Variants in ZNF596 observed in about 807,000 individuals in gnomAD.
The protein encoded by ZNF596 is zinc finger protein 596.
ZNF596 carries 45 observed loss-of-function variants against 48.3 expected under a neutral mutation model. That is an observed-to-expected ratio of 0.93 (90% CI 0.73 to 1.19). The LOEUF is 1.19. Among genes scored for constraint, ZNF596 ranks in the 50% most tolerant of loss-of-function variants. The probability of loss-of-function intolerance (pLI) is 0.00; values close to 1 mark genes in which losing one functional copy is unlikely to be tolerated. For synonymous variants in ZNF596, 270 were observed against 202.0 expected, an observed-to-expected ratio of 1.34 and a Z score of -2.85; for missense variants, 848 against 599.7, an observed-to-expected ratio of 1.41 and a Z score of -4.32.
At chr8:238,213 G>C (rs1584904104) in intron 1 of ZNF596, among the ~76,000 whole-genome samples, 1 of 152,128 alleles carries the variant, frequency 6.6e-6, no homozygotes, top group South Asian at 2.1e-4. Context: ...ATTTTTAGGA[G>C]GCTTGTGTGG....
chr8:245,876 C>T lies in ZNF596; in HGVS notation c.1029C>T (p.Ala343=), dbSNP rs370749334. The T allele has an allele frequency of 3.7e-6, 6 of 1,613,928 alleles. No homozygotes were observed. Among genetic ancestry groups the T allele is most frequent in the South Asian group, 2.2e-5 (2 of 91,078 alleles). The part of the protein sequence containing the change: ...KPYECHLCGK[A]FSHCSHLRQH... ...ATGAATGTCATCTATGTGGAAAAGC[C>T]TTCTCTCATTGTTCTCACCTTAGAC... Residue 343 remains alanine, a synonymous_variant, in exon 6 of 6, where the codon GCC becomes GCT. Transcript: ENST00000398612.
Position 246,275 on chromosome 8 carries a change from A to G in ZNF596, c.1428A>G (p.Val476=), listed in dbSNP as rs541415121. The G allele has an allele frequency of 5.6e-6, 9 of 1,612,336 alleles. No individual in the cohort carries two copies. In the African/African-American group the frequency reaches 6.7e-5, roughly 12 times the overall value. The part of the protein sequence containing the change: ...RRVHTGEKPY[V]CPLCGKAFSK... ...TTCACACTGGAGAGAAACCATATGT[A>G]TGTCCTCTATGTGGGAAAGCCTTTA... Residue 476 remains valine (V), a synonymous_variant, in exon 6 of 6, where the codon GTA becomes GTG. Coordinates refer to ENST00000398612, the MANE Select transcript of ZNF596 (RefSeq NM_001042416.3).
intron 1 of ZNF596, among the ~76,000 whole-genome samples, chr8:237,943 G>C (rs973010319): frequency 6.6e-6 from 1 of 152,188 alleles, no homozygotes; most frequent in East Asian, 1.9e-4. Context: ...GCATAACTCA[G>C]CTGTGGCCAT....
chr8:235,947 T>G lies in ZNF596; in HGVS notation c.-73+3253T>G, dbSNP rs1385233264. ...TGTATACTCACCAAAAATCAAAATT[T>G]AGACAAAATTGACTTTTAGACTAAT... On this transcript the variant is annotated intron_variant, in intron 1 of 5. Transcript: ENST00000398612. Among the ~76,000 whole-genome samples the G allele has an allele frequency of 2.6e-5, 4 of 152,200 alleles. No homozygotes were observed. The East Asian group carries it at 5.8e-4, about 22-fold the overall frequency.
At position 245,589 on chromosome 8, in the gene ZNF596, G is replaced by C. The variant is rs1177146051; in HGVS notation, c.742G>C (p.Glu248Gln). 4 of 1,614,110 alleles carry C rather than the reference G, an allele frequency of 2.5e-6. No homozygotes were observed. The highest frequency in any genetic ancestry group is 3.4e-6 in the Non-Finnish European group (4 of 1,180,022). The change falls in exon 6 of 6, where the codon GAG becomes CAG. Residue 248 changes from glutamate to glutamine, a missense_variant. Physicochemically the swap from Glu to Gln is conservative, Grantham distance 29 (BLOSUM62 2). Transcript: ENST00000398612. ...LRKHERTHTG[E>Q]KPYGCHLCGK... Reference sequence around the variant, plus strand: ...AAAACATGAGAGAACTCACACTGGAGAGAAGCCATATGGATGTCATCTATG... The same window carrying C: ...AAAACATGAGAGAACTCACACTGGACAGAAGCCATATGGATGTCATCTATG...
At chr8:238,789 G>A (rs3008277) in intron 1 of ZNF596, among the ~76,000 whole-genome samples, 66,529 of 151,438 alleles carry the variant, frequency 0.44, 14,969 homozygotes, top group African/African-American at 0.47. Flanking sequence ...CCTGGGCAAC[G>A]CGAGTGAAAC....
chr8:241,372 G>C (rs1051173574), intron 2 of ZNF596, among the ~76,000 whole-genome samples: 11 of 152,142 alleles, frequency 7.2e-5, no homozygotes, highest in African/African-American at 2.2e-4. Context: ...AACTTGAAGG[G>C]AAAGCAGATA....
intron 1 of ZNF596, chr8:234,305 G>A (rs1322269249): frequency 6.6e-6 from 1 of 152,212 alleles, no homozygotes; most frequent in East Asian, 1.9e-4. Context: ...CTTCACTAGG[G>A]AAGAACGGTG....
chr8:243,866 G>C, intron 4 of ZNF596, 61 bp downstream of exon 4: 1 of 1,382,514 alleles, frequency 7.2e-7, no homozygotes, highest in Non-Finnish European at 1.0e-6. Context: ...TGAGTGAGTA[G>C]GACCCAACAG....
chr8:242,929 G>A lies in ZNF596; in HGVS notation c.55G>A (p.Glu19Lys). The change falls in exon 3 of 6, where the codon GAA becomes AAA. Residue 19 changes from glutamate (E) to lysine (K), a missense_variant. By Grantham distance (56) the Glu-to-Lys change is moderately conservative. Coordinates refer to ENST00000398612, the MANE Select transcript of ZNF596 (RefSeq NM_001042416.3). ...FEDIIVDFTQEEWALLDTSQR... is the reference protein window; with the variant it reads ...FEDIIVDFTQKEWALLDTSQR... ...GGATATCATTGTAGACTTCACTCAA[G>A]AAGAGTGGGCCCTGCTGGACACATC... 6.2e-7 allele frequency: 1 copy of A among 1,601,536 alleles called. No individual in the cohort carries two copies. Among genetic ancestry groups the A allele is most frequent in the East Asian group, 2.2e-5 (1 of 44,546 alleles).
In ZNF596 at chr8:245,168, A is replaced by G; in HGVS notation, c.321A>G (p.Gln107=). 2 of 1,594,802 alleles carry G rather than the reference A, an allele frequency of 1.3e-6. No homozygotes were observed. Among genetic ancestry groups the G allele is most frequent in the Non-Finnish European group, 1.7e-6 (2 of 1,169,716 alleles). Reference sequence around the variant, plus strand: ...CCCAAAACCAGAGATCTCATACTCAAGAGGATCCTTTTCTATGCAATGACT... The same window carrying G: ...CCCAAAACCAGAGATCTCATACTCAGGAGGATCCTTTTCTATGCAATGACT... ...STISTMRSHT[Q]EDPFLCNDLG... Residue 107 remains glutamine, a synonymous_variant, in exon 6 of 6, where the codon CAA becomes CAG. Coordinates refer to ENST00000398612, the MANE Select transcript of ZNF596 (RefSeq NM_001042416.3).
chr8:232,372 T>C (rs945955643), upstream of ZNF596: 1 of 180,864 alleles, frequency 5.5e-6, no homozygotes, highest in Non-Finnish European at 1.3e-5. Context: ...GCGACGTTTT[T>C]TGTTGACCCG....
rs762387236 is a variant in ZNF596, at chr8:245,925, G to C, written c.1078G>C (p.Glu360Gln). 3 of 1,613,938 alleles carry C rather than the reference G, an allele frequency of 1.9e-6. No individual in the cohort carries two copies. Among genetic ancestry groups the C allele is most frequent in the African/African-American group, 1.3e-5 (1 of 74,880 alleles). Residue 360 changes from glutamate (E) to glutamine (Q), a missense_variant, in exon 6 of 6, where the codon GAG becomes CAG. Physicochemically the swap from Glu to Gln is conservative, Grantham distance 29 (BLOSUM62 2). Coordinates refer to ENST00000398612, the MANE Select transcript of ZNF596 (RefSeq NM_001042416.3). Reference protein sequence around the residue: ...LRQHERSHNGEKPHGCHLCGK... With the variant: ...LRQHERSHNGQKPHGCHLCGK... The stretch of plus-strand genomic sequence containing the variant: ...ACAACATGAGCGAAGTCACAATGGA[G>C]AGAAACCACATGGATGTCATCTATG...
chr8:236,435 C>T (rs867294357), intron 1 of ZNF596, among the ~76,000 whole-genome samples: 2 of 152,148 alleles, frequency 1.3e-5, no homozygotes, highest in Admixed American at 6.5e-5. Context: ...GGTCCCACCT[C>T]AGGCATCATG....
intron 2 of ZNF596, among the ~76,000 whole-genome samples, chr8:242,561 A>G (rs1796896972): frequency 6.6e-6 from 1 of 152,202 alleles, no homozygotes; most frequent in African/African-American, 2.4e-5. Context: ...AAGGTGGTGG[A>G]GAGGAGAATT....
chr8:233,509 G>C (rs1310323201), intron 1 of ZNF596: 1 of 215,218 alleles, frequency 4.6e-6, no homozygotes, highest in African/African-American at 2.4e-5. Flanking sequence ...GTATTCAACA[G>C]CTTCCTCTAT....
intron 1 of ZNF596, among the ~76,000 whole-genome samples, chr8:239,420 C>A (rs562249263): frequency 1.3e-5 from 2 of 152,310 alleles, no homozygotes; most frequent in African/African-American, 2.4e-5. Context: ...TGGTTTTGAA[C>A]TTCTGACCTC....
rs909457896 is a variant in ZNF596 at position 235,374 on chromosome 8, T to A, written c.-73+2680T>A. On this transcript the variant is annotated intron_variant, in intron 1 of 5. Coordinates refer to ENST00000398612, the MANE Select transcript of ZNF596 (RefSeq NM_001042416.3). ...AGTAAATAAATGGTGCATTTTATAA[T>A]GTAATATATTCTAGCAAGATGCAGC... 4.0e-4 allele frequency among the ~76,000 whole-genome samples: 61 copies of A among 152,304 alleles called. 1 individual carries two copies. The highest frequency in any genetic ancestry group is 3.7e-3 in the Admixed American group (57 of 15,298).
Position 246,277 on chromosome 8 carries a change from G to A in ZNF596, c.1430G>A (p.Cys477Tyr). Reference protein sequence around the residue: ...RVHTGEKPYVCPLCGKAFSKF... With the variant: ...RVHTGEKPYVYPLCGKAFSKF... ...CACACTGGAGAGAAACCATATGTAT[G>A]TCCTCTATGTGGGAAAGCCTTTAGT... is the stretch of plus-strand genomic sequence containing the variant. The change falls in exon 6 of 6, where the codon TGT (cysteine) becomes TAT (tyrosine). Residue 477 changes from cysteine to tyrosine, a missense_variant. Transcript: ENST00000398612. 1 of 1,612,284 alleles carries A rather than the reference G, an allele frequency of 6.2e-7. No homozygotes were observed.
Sources: allele counts gnomAD v4.1 joint callset (sites outside exome capture counted in the v4.1 genomes callset), GRCh38; gene constraint gnomAD v4.1.1; transcripts MANE v1.5; gene names NCBI Gene and HGNC (gene_info 2026-07-23, HGNC 2026-07-21).